Variants in OSBPL9 observed in about 807,000 individuals in gnomAD.
OSBPL9 encodes oxysterol-binding protein-related protein 9.
A neutral mutation model predicts 106.6 loss-of-function variants in OSBPL9; 40 were observed. The observed-to-expected ratio is 0.38, with a 90% CI of 0.29 to 0.49. The LOEUF is 0.49. Ranked by LOEUF, OSBPL9 falls within the 20% of genes least tolerant of loss-of-function variation. OSBPL9 has a pLI of 0.97. For missense variants in OSBPL9, 609 were observed against 887.2 expected, an observed-to-expected ratio of 0.69 and a Z score of 3.98; for synonymous variants, 269 against 295.4, an observed-to-expected ratio of 0.91 and a Z score of 0.92.
chr1:51,598,706 G>A (rs1645314354), intron 2 of OSBPL9, among the ~76,000 whole-genome samples: 1 of 152,160 alleles, frequency 6.6e-6, no homozygotes, highest in South Asian at 2.1e-4. Context: ...AAAGGAGTGT[G>A]ACATGGGCTG....
At chr1:51,624,426 A>T (rs1644642885) in intron 1 of OSBPL9, among the ~76,000 whole-genome samples, 3 of 151,878 alleles carry the variant, frequency 2.0e-5, no homozygotes, top group African/African-American at 7.3e-5. Context: ...CGTCTGTACT[A>T]AAAATACAAA....
intron 18 of OSBPL9, 116 bp downstream of exon 18, chr1:51,784,141 T>C: frequency 7.2e-7 from 1 of 1,379,882 alleles, no homozygotes; most frequent in Middle Eastern, 1.8e-4. Context: ...GAGCAAAGGG[T>C]GGGGAACTAG....
chr1:51,531,186 G>T, the OSBPL9 span, among the ~76,000 whole-genome samples: 14 of 152,024 alleles, frequency 9.2e-5, no homozygotes, highest in Non-Finnish European at 1.5e-4. Context: ...GCTGAGGCAG[G>T]AGAATCACTG....
intron 2 of OSBPL9, among the ~76,000 whole-genome samples, chr1:51,600,917 T>C (rs1302048461): frequency 6.6e-6 from 1 of 152,210 alleles, no homozygotes; most frequent in East Asian, 1.9e-4. Flanking sequence ...GTTCAGGACA[T>C]ACATAATAGA....
intron 1 of OSBPL9, among the ~76,000 whole-genome samples, chr1:51,623,681 T>C (rs1218874648): frequency 6.6e-6 from 1 of 151,674 alleles, no homozygotes; most frequent in Non-Finnish European, 1.5e-5. Context: ...TTAAGTGTTA[T>C]TTGGCAGTCT....
chr1:51,737,542 A>AGG (rs3220202), intron 4 of OSBPL9, among the ~76,000 whole-genome samples: 24 of 102,976 alleles, frequency 2.3e-4, no homozygotes, highest in Non-Finnish European at 3.2e-4. Flanking sequence ...GTTATATTTC[A>AGG]GGGGTGTGTG....
At chr1:51,769,534 C>T (rs902554868) in intron 12 of OSBPL9, among the ~76,000 whole-genome samples, 1 of 152,130 alleles carries the variant, frequency 6.6e-6, no homozygotes, top group Non-Finnish European at 1.5e-5. Flanking sequence ...TATAGACATA[C>T]CGTGTATGGT....
chr1:51,740,915 G>A (rs910370163), intron 4 of OSBPL9, among the ~76,000 whole-genome samples: 2 of 152,026 alleles, frequency 1.3e-5, no homozygotes, highest in Admixed American at 6.5e-5. Context: ...ATTGACTCTT[G>A]TGTTGTTTTA....
chr1:51,537,634 G>A, the OSBPL9 span, among the ~76,000 whole-genome samples: 1 of 152,108 alleles, frequency 6.6e-6, no homozygotes, highest in Non-Finnish European at 1.5e-5. Context: ...ATAGCTCACT[G>A]CAGATATGAA....
At chr1:51,549,350 T>G in the OSBPL9 span, among the ~76,000 whole-genome samples, 1 of 152,210 alleles carries the variant, frequency 6.6e-6, no homozygotes, top group Non-Finnish European at 1.5e-5. Context: ...TCATGAAGTC[T>G]TTTCTCAAAC....
upstream of OSBPL9, among the ~76,000 whole-genome samples, chr1:51,575,068 A>G (rs951375981): frequency 6.6e-6 from 1 of 152,120 alleles, no homozygotes; most frequent in Non-Finnish European, 1.5e-5. Context: ...TGGGCCCACT[A>G]TGGGTCCCAG....
At chr1:51,724,364 A>G (rs1571337730) in intron 4 of OSBPL9, among the ~76,000 whole-genome samples, 1 of 151,782 alleles carries the variant, frequency 6.6e-6, no homozygotes, top group East Asian at 1.9e-4. Context: ...GCTCACTGCC[A>G]CCTCCGCCTC....
At chr1:51,742,941 A>G (rs1667243487) in intron 4 of OSBPL9, among the ~76,000 whole-genome samples, 1 of 152,202 alleles carries the variant, frequency 6.6e-6, no homozygotes. Context: ...TGTTATGAAA[A>G]GAACTTCTGT....
the OSBPL9 span, among the ~76,000 whole-genome samples, chr1:51,558,328 C>T: frequency 1.8e-3 from 275 of 152,162 alleles, 1 homozygote; most frequent in African/African-American, 5.9e-3. Flanking sequence ...AACAAACCCC[C>T]TCCTTCCTTG....
chr1:51,531,902 G>A, the OSBPL9 span, among the ~76,000 whole-genome samples: 4 of 152,174 alleles, frequency 2.6e-5, no homozygotes, highest in Admixed American at 1.3e-4. Flanking sequence ...GGAGACCAAA[G>A]AAAGAGCAGC....
At chr1:51,524,115 T>G in the OSBPL9 span, among the ~76,000 whole-genome samples, 1 of 152,340 alleles carries the variant, frequency 6.6e-6, no homozygotes, top group East Asian at 1.9e-4. Context: ...AGTCCATCAT[T>G]GTTCGCGTTT....
At chr1:51,632,263 T>C (rs114499947) in intron 1 of OSBPL9, among the ~76,000 whole-genome samples, 560 of 152,332 alleles carry the variant, frequency 3.7e-3, no homozygotes, top group Admixed American at 6.4e-3. Context: ...AGTAGGTTTG[T>C]TTATAACAGC....
the OSBPL9 span, among the ~76,000 whole-genome samples, chr1:51,551,636 G>T: frequency 1.3e-5 from 2 of 151,764 alleles, no homozygotes; most frequent in Non-Finnish European, 2.9e-5. Flanking sequence ...ATCCAAGCTG[G>T]AGTGCAATGG....
At chr1:51,716,798 A>G (rs1661138002) in intron 4 of OSBPL9, among the ~76,000 whole-genome samples, 1 of 152,184 alleles carries the variant, frequency 6.6e-6, no homozygotes, top group Non-Finnish European at 1.5e-5. Flanking sequence ...GAGGAGACGC[A>G]GTGATCTCAG....
Sources: allele counts gnomAD v4.1 joint callset (sites outside exome capture counted in the v4.1 genomes callset), GRCh38; gene constraint gnomAD v4.1.1; transcripts MANE v1.5; gene names NCBI Gene and HGNC (gene_info 2026-07-23, HGNC 2026-07-21).